Variants in ZNF423 observed in about 807,000 individuals in gnomAD.
ZNF423 encodes zinc finger protein 423.
ZNF423 carries 12 observed loss-of-function variants against 95.8 expected under a neutral mutation model. That is an observed-to-expected ratio of 0.13 (90% confidence interval 0.08 to 0.20). The LOEUF is 0.20. Among genes scored for constraint, ZNF423 ranks in the 10% least tolerant of loss-of-function variants. The pLI, the probability that ZNF423 is intolerant of heterozygous loss-of-function variation, is 1.00. For missense variants in ZNF423, 1,316 were observed against 1,737.1 expected, an observed-to-expected ratio of 0.76 and a Z score of 4.31; for synonymous variants, 749 against 711.9, an observed-to-expected ratio of 1.05 and a Z score of -0.83.
At chr16:49,807,661 T>C (rs1252177197) in intron 1 of ZNF423, among the ~76,000 whole-genome samples, 1 of 152,186 alleles carries the variant, frequency 6.6e-6, no homozygotes, top group Non-Finnish European at 1.5e-5. Context: ...CGTGGGGAGC[T>C]TGCATGTGGA....
At chr16:49,633,258 C>T (rs1336859554) in intron 4 of ZNF423, among the ~76,000 whole-genome samples, 1 of 152,194 alleles carries the variant, frequency 6.6e-6, no homozygotes. Context: ...GTCCTTACTC[C>T]TCAATGAGTG....
chr16:49,615,085 C>T (rs907952664), intron 5 of ZNF423, among the ~76,000 whole-genome samples: 21 of 151,106 alleles, frequency 1.4e-4, no homozygotes, highest in Admixed American at 1.4e-3. Context: ...GAGGCGAGAT[C>T]GTGCCATTGC....
chr16:49,571,434 T>C (rs959815087), intron 5 of ZNF423, among the ~76,000 whole-genome samples: 1 of 152,008 alleles, frequency 6.6e-6, no homozygotes, highest in African/African-American at 2.4e-5. Flanking sequence ...CAGGCCTGTG[T>C]CTTGGCAGGT....
intron 1 of ZNF423, chr16:49,854,475 G>A (rs1471639377): frequency 2.0e-6 from 2 of 985,350 alleles, no homozygotes; most frequent in Non-Finnish European, 2.4e-6. Flanking sequence ...CAGGCCTCCA[G>A]GAAATGAACT....
intron 2 of ZNF423, among the ~76,000 whole-genome samples, chr16:49,741,446 G>A (rs1424716747): frequency 1.3e-5 from 2 of 152,008 alleles, no homozygotes; most frequent in Non-Finnish European, 2.9e-5. Flanking sequence ...GGCAGAGATT[G>A]CAGTAAGCCA....
intron 1 of ZNF423, among the ~76,000 whole-genome samples, chr16:49,809,041 C>G (rs1402276301): frequency 6.6e-6 from 1 of 152,276 alleles, no homozygotes; most frequent in Non-Finnish European, 1.5e-5. Context: ...CCAACCACAT[C>G]TGTCTCATCC....
Position 49,803,245 on chromosome 16 carries a change from C to T in ZNF423, c.41-13699G>A, listed in dbSNP as rs1039764339. Reference sequence around the variant, plus strand: ...CTGCACTCTAGCCTGAGTGACACAGCCAGACCTTGTCTCAAAAAAATAAAA... The same window carrying T: ...CTGCACTCTAGCCTGAGTGACACAGTCAGACCTTGTCTCAAAAAAATAAAA... On this transcript the variant is annotated intron_variant, in intron 1 of 7. Coordinates refer to ENST00000563137, the MANE Select transcript of ZNF423 (RefSeq NM_001379286.1). 5.3e-5 allele frequency among the ~76,000 whole-genome samples: 8 copies of T among 151,708 alleles called. No homozygotes were observed. The Admixed American group carries it at 5.3e-4, about 10-fold the overall frequency.
intron 5 of ZNF423, among the ~76,000 whole-genome samples, chr16:49,607,514 A>G (rs995837684): frequency 6.6e-6 from 1 of 152,202 alleles, no homozygotes; most frequent in African/African-American, 2.4e-5. Context: ...TTTGTGTCAC[A>G]GAGCTTCTTG....
chr16:49,545,551 C>G (rs764990857), intron 5 of ZNF423, among the ~76,000 whole-genome samples: 7 of 152,174 alleles, frequency 4.6e-5, no homozygotes, highest in Non-Finnish European at 7.3e-5. Flanking sequence ...TGTTCAGCAC[C>G]GAGCCTCCGA....
At chr16:49,725,656 G>A (rs1433841579) in intron 3 of ZNF423, among the ~76,000 whole-genome samples, 1 of 152,162 alleles carries the variant, frequency 6.6e-6, no homozygotes, top group Non-Finnish European at 1.5e-5. Flanking sequence ...GGCTGCAGAG[G>A]GCCAGCAGGG....
At chr16:49,801,968 C>A (rs888306236) in intron 1 of ZNF423, among the ~76,000 whole-genome samples, 2 of 152,074 alleles carry the variant, frequency 1.3e-5, no homozygotes, top group Admixed American at 6.6e-5. Flanking sequence ...CCCACTTCAG[C>A]CCCCCAAGTA....
At chr16:49,721,097 G>A (rs111754496) in intron 3 of ZNF423, among the ~76,000 whole-genome samples, 1 of 152,322 alleles carries the variant, frequency 6.6e-6, no homozygotes, top group African/African-American at 2.4e-5. Context: ...AACAGACATG[G>A]GGCAGTGTCT....
intron 2 of ZNF423, among the ~76,000 whole-genome samples, chr16:49,781,544 GT>G (rs1234247770): frequency 6.6e-6 from 1 of 152,194 alleles, no homozygotes. Flanking sequence ...TGTGGGTGGA[GT>G]TTCTGTGAAG....
At chr16:49,521,298 C>A (rs890513893) in intron 7 of ZNF423, among the ~76,000 whole-genome samples, 1 of 152,186 alleles carries the variant, frequency 6.6e-6, no homozygotes, top group Admixed American at 6.5e-5. Context: ...GTAAATAAAT[C>A]GTAGTTTATA....
intron 3 of ZNF423, among the ~76,000 whole-genome samples, chr16:49,666,211 T>G (rs1396916472): frequency 1.3e-5 from 2 of 152,224 alleles, no homozygotes; most frequent in Non-Finnish European, 2.9e-5. Flanking sequence ...TCTAAACATG[T>G]GTGTAACTCT....
intron 5 of ZNF423, among the ~76,000 whole-genome samples, chr16:49,601,139 T>C (rs1415028824): frequency 6.6e-6 from 1 of 152,154 alleles, no homozygotes; most frequent in Non-Finnish European, 1.5e-5. Context: ...GACGACGGAC[T>C]AAAAGGGTCT....
chr16:49,677,836 A>C (rs1423844988), intron 3 of ZNF423, among the ~76,000 whole-genome samples: 1 of 152,112 alleles, frequency 6.6e-6, no homozygotes, highest in Admixed American at 6.5e-5. Flanking sequence ...GCTAAATAAG[A>C]ATCTGAATTT....
At chr16:49,526,923 C>T (rs1259439370) in intron 5 of ZNF423, among the ~76,000 whole-genome samples, 2 of 150,380 alleles carry the variant, frequency 1.3e-5, no homozygotes, top group African/African-American at 2.4e-5. Flanking sequence ...GCCAAGGACA[C>T]GGGTTCCCCT....
intron 7 of ZNF423, among the ~76,000 whole-genome samples, chr16:49,495,665 G>A (rs940730582): frequency 6.6e-6 from 1 of 152,190 alleles, no homozygotes; most frequent in African/African-American, 2.4e-5. Flanking sequence ...GAGCCTGGTG[G>A]CTACACTGTC....
Sources: gnomAD v4.1 joint callset for allele counts (sites outside exome capture counted in the v4.1 genomes callset) on GRCh38, gnomAD v4.1.1 for gene constraint, MANE v1.5 for transcripts, NCBI Gene and HGNC (gene_info 2026-07-23, HGNC 2026-07-21) for gene names.